The following SCAPER variants were observed in gnomAD, a reference collection of about 807,000 sequenced individuals.
SCAPER encodes the protein S-phase cyclin A associated protein in the ER, also known as S phase cyclin A-associated protein in the endoplasmic reticulum.
A neutral mutation model predicts 182.2 loss-of-function variants in SCAPER; 98 were observed. That is an observed-to-expected ratio of 0.54 (90% CI 0.46 to 0.64). The LOEUF is 0.64. SCAPER is among the 30% of genes least tolerant of loss of function. The pLI is 0.00. For synonymous variants in SCAPER, 605 were observed against 564.6 expected, an observed-to-expected ratio of 1.07 and a Z score of -1.01; for missense variants, 1,432 against 1,690.0, an observed-to-expected ratio of 0.85 and a Z score of 2.68.
intron 4 of SCAPER, among the ~76,000 whole-genome samples, chr15:76,855,212 T>C (rs1599122118): frequency 6.6e-6 from 1 of 152,204 alleles, no homozygotes; most frequent in African/African-American, 2.4e-5. Context: ...TTGAGATAAC[T>C]GGGTAGCCAT....
intron 21 of SCAPER, among the ~76,000 whole-genome samples, chr15:76,639,678 C>T (rs776058378): frequency 1.3e-5 from 2 of 152,130 alleles, no homozygotes; most frequent in East Asian, 1.9e-4. Flanking sequence ...CACCCCGCCC[C>T]GTTGCTAATG....
chr15:76,472,383 G>T, intron 24 of SCAPER: 1 of 709,672 alleles, frequency 1.4e-6, no homozygotes. Context: ...GTGCATTTTT[G>T]GTGACTGTGT....
intron 26 of SCAPER, among the ~76,000 whole-genome samples, chr15:76,431,676 CAAAAAAAAAAAAAA>C (rs60675828): frequency 6.4e-5 from 3 of 47,128 alleles, no homozygotes; most frequent in South Asian, 1.4e-3. Flanking sequence ...AAATGATTAG[CAAAAAAAAAAAAAA>C]AAAAAAAAAA....
chr15:76,699,849 A>C (rs943682631), intron 20 of SCAPER, among the ~76,000 whole-genome samples: 1 of 152,132 alleles, frequency 6.6e-6, no homozygotes, highest in Non-Finnish European at 1.5e-5. Context: ...GCAGAGTGTG[A>C]ACAGTATTCG....
rs1051080815 is a variant in SCAPER at position 76,474,063 on chromosome 15, G to C, written c.2955-2728C>G. On this transcript the variant is annotated intron_variant, in intron 24 of 31. Coordinates refer to ENST00000563290, the MANE Select transcript of SCAPER (RefSeq NM_020843.4). ...TGGCCTCATGTGATCCACCCACCTCGGCCTCCCAAAGTGTTGAGATTACAG... is the reference window on the plus strand; with the variant it reads ...TGGCCTCATGTGATCCACCCACCTCCGCCTCCCAAAGTGTTGAGATTACAG... 2.6e-5 allele frequency among the ~76,000 whole-genome samples: 4 copies of C among 151,962 alleles called. 1 individual carries two copies. The highest frequency in any genetic ancestry group is 4.8e-5 in the African/African-American group (2 of 41,340).
intron 22 of SCAPER, among the ~76,000 whole-genome samples, chr15:76,611,388 C>T (rs944679944): frequency 2.6e-5 from 4 of 151,932 alleles, no homozygotes; most frequent in South Asian, 2.1e-4. Context: ...AAGAAAGAAA[C>T]GGAATCTCTG....
At chr15:76,473,708 C>G (rs7163946) in intron 24 of SCAPER, among the ~76,000 whole-genome samples, 64,756 of 152,042 alleles carry the variant, frequency 0.43, 16,519 homozygotes, top group Middle Eastern at 0.58. Flanking sequence ...GCAGGTAGTT[C>G]TGCCACATAT....
At position 76,545,012 on chromosome 15, in the gene SCAPER, T is replaced by C. The variant is rs989267078; in HGVS notation, c.2838+29146A>G. 1.5e-4 allele frequency among the ~76,000 whole-genome samples: 23 copies of C among 152,286 alleles called. 1 individual carries two copies. Among genetic ancestry groups the C allele is most frequent in the African/African-American group, 3.8e-4 (16 of 41,574 alleles). ...CTTGGCTACCCTGAAATACAACTTA[T>C]ATAAGCAAGGCATGATAAATACTTG... On this transcript the variant is annotated intron_variant, in intron 23 of 31. Coordinates refer to ENST00000563290, the MANE Select transcript of SCAPER (RefSeq NM_020843.4).
rs565939556 is a variant in SCAPER at position 76,876,007 on chromosome 15, G to A, written c.6+7805C>T. On this transcript the variant is annotated intron_variant, in intron 2 of 31. Coordinates refer to ENST00000563290, the MANE Select transcript of SCAPER (RefSeq NM_020843.4). ...GGCAGCAAAGGCCCAGCGAGAAATC[G>A]AGCGCAGCGCCAGTCGGCCGGCACT... 9.3e-4 allele frequency among the ~76,000 whole-genome samples: 141 copies of A among 152,290 alleles called. 1 individual carries two copies. The highest frequency in any genetic ancestry group is 3.4e-3 in the Middle Eastern group (1 of 294).
intron 24 of SCAPER, among the ~76,000 whole-genome samples, chr15:76,477,188 C>T (rs1185762397): frequency 2.0e-5 from 3 of 152,164 alleles, no homozygotes; most frequent in Non-Finnish European, 4.4e-5. Context: ...ATATAGCTGC[C>T]TCAAACTCTC....
chr15:76,447,808 A>G (rs939154799), intron 25 of SCAPER, among the ~76,000 whole-genome samples: 13 of 152,216 alleles, frequency 8.5e-5, no homozygotes, highest in African/African-American at 3.1e-4. Context: ...GTGAAGAGGA[A>G]AAACATGGTC....
At chr15:76,524,947 T>C (rs1476981928) in intron 23 of SCAPER, among the ~76,000 whole-genome samples, 2 of 152,054 alleles carry the variant, frequency 1.3e-5, no homozygotes, top group Non-Finnish European at 2.9e-5. Context: ...TACATGATTG[T>C]TAGGCATAAT....
At chr15:76,498,494 T>C (rs763948253) in intron 24 of SCAPER, 1 of 152,174 alleles carries the variant, frequency 6.6e-6, no homozygotes, top group Non-Finnish European at 1.5e-5. Context: ...CTGCTAACGT[T>C]CTCTCTGAAC....
At position 76,623,826 on chromosome 15, in the gene SCAPER, T is replaced by C. The variant is rs1597767091; in HGVS notation, c.2646-1997A>G. On this transcript the variant is annotated intron_variant, in intron 21 of 31. Transcript: ENST00000563290. Reference sequence around the variant, plus strand: ...AAGACCATATGATCATCTCAATAGATGCAGAAGAAGTTTTCAATAAAATCC... The same window carrying C: ...AAGACCATATGATCATCTCAATAGACGCAGAAGAAGTTTTCAATAAAATCC... 3.3e-5 allele frequency among the ~76,000 whole-genome samples: 5 copies of C among 151,936 alleles called. No homozygotes were observed. In the South Asian group the frequency reaches 1.0e-3, roughly 32 times the overall value.
intron 27 of SCAPER, among the ~76,000 whole-genome samples, chr15:76,391,663 C>T (rs1022705938): frequency 6.6e-6 from 1 of 152,312 alleles, no homozygotes; most frequent in Non-Finnish European, 1.5e-5. Flanking sequence ...GGCCAATGAT[C>T]GTTCACTAGT....
intron 25 of SCAPER, among the ~76,000 whole-genome samples, chr15:76,459,044 G>A (rs2048952992): frequency 6.6e-6 from 1 of 152,050 alleles, no homozygotes; most frequent in Non-Finnish European, 1.5e-5. Flanking sequence ...ACAGGCATGT[G>A]CCACCATGCC....
At position 76,471,334 on chromosome 15, in the gene SCAPER, A is replaced by G. The variant is rs998685703; in HGVS notation, c.2956T>C (p.Ser986Pro). The change falls in exon 25 of 32, where the codon TCT becomes CCT. Residue 986 changes from serine to proline, a missense_variant and splice_region_variant. This residue lies in a region of SCAPER where 718 missense variants were observed against 799.7 expected (regional missense o/e 0.90). Transcript: ENST00000563290. ...VNTVLRIPPK[S>P]LCNAINVYNL... ...TAAACATTGATTGCATTGCAGAGAG[A>G]CCTAAAAGAAGGAGAAAAACACCAT... The G allele has an allele frequency of 6.3e-7, 1 of 1,599,512 alleles. No homozygotes were observed. Among genetic ancestry groups the G allele is most frequent in the Non-Finnish European group, 8.5e-7 (1 of 1,174,954 alleles).
At chr15:76,494,760 T>A (rs2143489376) in intron 24 of SCAPER, among the ~76,000 whole-genome samples, 1 of 152,140 alleles carries the variant, frequency 6.6e-6, no homozygotes, top group South Asian at 2.1e-4. Context: ...GATAAGATAT[T>A]CTATCTTATC....
At chr15:76,723,556 G>A (rs2060395027) in intron 17 of SCAPER, among the ~76,000 whole-genome samples, 1 of 152,122 alleles carries the variant, frequency 6.6e-6, no homozygotes. Context: ...TTATTATTGT[G>A]TGGAAGTCTA....
Sources: allele counts gnomAD v4.1 joint callset (sites outside exome capture counted in the v4.1 genomes callset), GRCh38; gene constraint gnomAD v4.1.1; regional missense constraint gnomAD v4.1.1; transcripts MANE v1.5; gene names NCBI Gene and HGNC (gene_info 2026-07-23, HGNC 2026-07-21).